The following IGSF11 variants were observed in gnomAD, a reference collection of about 807,000 sequenced individuals.
IGSF11 encodes the protein immunoglobulin superfamily member 11.
IGSF11 carries 22 observed loss-of-function variants against 41.0 expected under a neutral mutation model. The observed-to-expected ratio is 0.54, with a 90% CI of 0.38 to 0.77. IGSF11 has a LOEUF of 0.77. IGSF11 is among the 30% of genes least tolerant of loss of function. The probability of loss-of-function intolerance (pLI) is 0.00; values close to 1 mark genes in which losing one functional copy is unlikely to be tolerated. For missense variants in IGSF11, 444 were observed against 530.8 expected (o/e 0.84, Z 1.61); for synonymous variants, 219 against 201.3 (o/e 1.09, Z -0.74).
chr3:119,091,992 TTG>T (rs1491094302), intron 1 of IGSF11, among the ~76,000 whole-genome samples: 4 of 81,682 alleles, frequency 4.9e-5, no homozygotes, highest in Non-Finnish European at 1.1e-4. Flanking sequence ...TTTGGTTTTT[TTG>T]GGGGGGGGGG....
intron 4 of IGSF11, among the ~76,000 whole-genome samples, chr3:118,913,708 G>A (rs1313727609): frequency 6.6e-6 from 1 of 152,144 alleles, no homozygotes; most frequent in Non-Finnish European, 1.5e-5. Flanking sequence ...TGTGATGAAA[G>A]AAGCAATGGA....
At chr3:119,111,166 G>T (rs560157607) in intron 1 of IGSF11, among the ~76,000 whole-genome samples, 9 of 152,112 alleles carry the variant, frequency 5.9e-5, no homozygotes, top group Non-Finnish European at 1.2e-4. Context: ...AGTTCTCCTG[G>T]ATAATATCCT....
chr3:119,114,345 C>A (rs1469387474), intron 1 of IGSF11, among the ~76,000 whole-genome samples: 1 of 152,204 alleles, frequency 6.6e-6, no homozygotes, highest in Non-Finnish European at 1.5e-5. Context: ...AATTCCAGGT[C>A]ATTTCTTTGC....
chr3:119,050,611 A>G lies in IGSF11; in HGVS notation c.49+54533T>C, dbSNP rs1219238308. 3.3e-5 allele frequency among the ~76,000 whole-genome samples: 5 copies of G among 152,224 alleles called. No homozygotes were observed. In the East Asian group the frequency reaches 7.7e-4, roughly 24 times the overall value. On this transcript the variant is annotated intron_variant, in intron 1 of 6. Coordinates refer to the IGSF11 transcript ENST00000354673. ...GGCGATTCCTCAGGGATCTAGAACT[A>G]GAAATACCATTTGACCCAGCCATCC...
intron 1 of IGSF11, among the ~76,000 whole-genome samples, chr3:119,073,391 C>T (rs1025035773): frequency 7.2e-5 from 11 of 152,188 alleles, no homozygotes; most frequent in African/African-American, 1.2e-4. Flanking sequence ...TCCTGGGCCG[C>T]GCATCTGCAC....
chr3:119,030,566 T>G (rs1413782611), intron 1 of IGSF11, among the ~76,000 whole-genome samples: 1 of 152,164 alleles, frequency 6.6e-6, no homozygotes, highest in Non-Finnish European at 1.5e-5. Context: ...AAAAAATCCT[T>G]CCATGGTTTA....
chr3:119,091,664 T>C (rs889042360), intron 1 of IGSF11, among the ~76,000 whole-genome samples: 4 of 152,170 alleles, frequency 2.6e-5, no homozygotes. Flanking sequence ...TGAGCACACA[T>C]GGACATAAAT....
intron 1 of IGSF11, among the ~76,000 whole-genome samples, chr3:119,117,334 A>G (rs999786382): frequency 2.0e-5 from 3 of 152,164 alleles, no homozygotes; most frequent in African/African-American, 7.2e-5. Flanking sequence ...TTACAGTTCC[A>G]CTGGCTGGGG....
upstream of IGSF11, among the ~76,000 whole-genome samples, chr3:119,109,957 CT>C (rs1401163308): frequency 3.9e-5 from 6 of 152,158 alleles, no homozygotes; most frequent in South Asian, 1.2e-3. Context: ...CTGAGAGACA[CT>C]TTGTTATAAT....
rs1445161572 is a variant in IGSF11, at chr3:118,916,441, G to C, written c.580+9660C>G. On this transcript the variant is annotated intron_variant, in intron 4 of 6. Transcript: ENST00000393775. ...ACCAAGCAAATGGAAAACTAAAAAA[G>C]GCAGGGGTTGCAATCCTAGTCTCTG... Among the ~76,000 whole-genome samples, 4 of 151,910 alleles carry C rather than the reference G, an allele frequency of 2.6e-5. No individual in the cohort carries two copies. In the East Asian group the frequency reaches 7.7e-4, roughly 29 times the overall value.
chr3:119,064,821 A>C (rs1223768624), intron 1 of IGSF11, among the ~76,000 whole-genome samples: 2 of 152,006 alleles, frequency 1.3e-5, no homozygotes, highest in African/African-American at 2.4e-5. Flanking sequence ...TTTCTATTTG[A>C]TTATTGCTGG....
At chr3:118,944,070 C>A (rs1943921787) in intron 1 of IGSF11, among the ~76,000 whole-genome samples, 1 of 152,150 alleles carries the variant, frequency 6.6e-6, no homozygotes, top group South Asian at 2.1e-4. Flanking sequence ...CTGCTTCTTT[C>A]CAAATTAAAC....
rs374909900 is a variant in IGSF11 at position 118,928,636 on chromosome 3, T to C, written c.297A>G (p.Pro99=). ...TAATGAAGATAGAGACATTGGTAGC[T>C]GGCATGGTGCCTGTAAATCCTACCC... The part of the protein sequence containing the change: ...HGRVGFTGTM[P]ATNVSIFINN... The change falls in exon 3 of 7, where the codon CCA becomes CCG. Residue 99 remains proline, a synonymous_variant. Coordinates refer to ENST00000393775, the MANE Select transcript of IGSF11 (RefSeq NM_001015887.3). The C allele has an allele frequency of 1.9e-6, 3 of 1,614,078 alleles. No individual in the cohort carries two copies. The highest frequency in any genetic ancestry group is 1.7e-4 in the Middle Eastern group (1 of 6,058).
intron 1 of IGSF11, among the ~76,000 whole-genome samples, chr3:119,102,292 A>G (rs1274688092): frequency 6.6e-6 from 1 of 152,204 alleles, no homozygotes; most frequent in Non-Finnish European, 1.5e-5. Context: ...CACTAAAAGG[A>G]TAACATCTGG....
intron 4 of IGSF11, among the ~76,000 whole-genome samples, chr3:118,913,837 T>C (rs979570986): frequency 2.6e-5 from 4 of 152,236 alleles, no homozygotes; most frequent in Non-Finnish European, 4.4e-5. Context: ...GGAACAAATA[T>C]ACTAAAGCCA....
At chr3:118,979,153 AGTT>A (rs1416907155) in intron 1 of IGSF11, among the ~76,000 whole-genome samples, 3 of 152,174 alleles carry the variant, frequency 2.0e-5, no homozygotes, top group Non-Finnish European at 4.4e-5. Flanking sequence ...ATACATTCAA[AGTT>A]TTAATGATAG....
chr3:118,983,393 G>A (rs1006888801), intron 1 of IGSF11: 4 of 152,074 alleles, frequency 2.6e-5, no homozygotes, highest in Non-Finnish European at 4.4e-5. Context: ...TATGGCATAC[G>A]GCTTCTCAAA....
At chr3:119,002,516 C>A (rs1422333523) in intron 1 of IGSF11, among the ~76,000 whole-genome samples, 11 of 131,794 alleles carry the variant, frequency 8.3e-5, no homozygotes, top group African/African-American at 3.7e-4. Flanking sequence ...GTTGCCATTG[C>A]TTTTGGTGTT....
intron 1 of IGSF11, among the ~76,000 whole-genome samples, chr3:118,959,428 T>C (rs2107598221): frequency 6.6e-6 from 1 of 152,316 alleles, no homozygotes; most frequent in Middle Eastern, 3.4e-3. Flanking sequence ...TACCATACTC[T>C]AGACAAACGA....
Sources: allele counts gnomAD v4.1 joint callset (sites outside exome capture counted in the v4.1 genomes callset), GRCh38; gene constraint gnomAD v4.1.1; transcripts MANE v1.5; gene names NCBI Gene and HGNC (gene_info 2026-07-23, HGNC 2026-07-21).